Variants in NAA60 observed in about 807,000 individuals in gnomAD.
NAA60 encodes N-alpha-acetyltransferase 60, NatF catalytic subunit.
Under a neutral mutation model 26.1 loss-of-function variants are expected in NAA60, and 8 were observed. That is an observed-to-expected ratio of 0.31 (90% confidence interval 0.18 to 0.55). The LOEUF is 0.55. Among genes scored for constraint, NAA60 ranks in the 20% least tolerant of loss-of-function variants. The pLI, the probability that NAA60 is intolerant of heterozygous loss-of-function variation, is 0.93. For synonymous variants in NAA60, 131 were observed against 122.5 expected (o/e 1.07, Z -0.46); for missense variants, 290 against 311.3 (o/e 0.93, Z 0.51).
chr16:3,456,502 GAAT>G (rs906786649), intron 2 of NAA60, among the ~76,000 whole-genome samples: 1 of 151,864 alleles, frequency 6.6e-6, no homozygotes, highest in Non-Finnish European at 1.5e-5. Flanking sequence ...ATTTTTGAAA[GAAT>G]AATGCGCTTC....
intron 2 of NAA60, among the ~76,000 whole-genome samples, chr16:3,454,549 T>G (rs1293618202): frequency 1.3e-5 from 2 of 152,048 alleles, no homozygotes; most frequent in African/African-American, 4.8e-5. Flanking sequence ...AGAAGTTTAA[T>G]AGATAAACTG....
intron 1 of NAA60, among the ~76,000 whole-genome samples, chr16:3,446,900 C>A (rs1042206975): frequency 6.6e-6 from 1 of 151,740 alleles, no homozygotes; most frequent in African/African-American, 2.4e-5. Flanking sequence ...TATGAGCCAC[C>A]GCACCTGGCC....
At chr16:3,449,986 G>A (rs1596283537) in intron 2 of NAA60, 1 of 398,448 alleles carries the variant, frequency 2.5e-6, no homozygotes, top group Non-Finnish European at 4.4e-6. Context: ...GCAGTCTCAG[G>A]TATGTCTTTA....
chr16:3,479,706 G>A (rs1280032634), intron 4 of NAA60, 106 bp downstream of exon 4: 8 of 1,355,338 alleles, frequency 5.9e-6, no homozygotes, highest in Non-Finnish European at 8.0e-6. Context: ...CGTCCAAGGA[G>A]CCTGTGACCC....
chr16:3,485,271 CTT>C (rs1046073272), intron 7 of NAA60, 194 bp from the exon 8 acceptor site: 1 of 612,940 alleles, frequency 1.6e-6, no homozygotes, highest in African/African-American at 1.8e-5. Context: ...GTGCACCCGA[CTT>C]TGGATCCATC....
intron 1 of NAA60, among the ~76,000 whole-genome samples, chr16:3,448,032 C>G (rs144836597): frequency 1.3e-5 from 2 of 152,190 alleles, no homozygotes; most frequent in African/African-American, 4.8e-5. Context: ...ATTATCGTTA[C>G]TAGAAGCTGC....
At chr16:3,454,730 C>G (rs925672150) in intron 2 of NAA60, among the ~76,000 whole-genome samples, 6 of 152,140 alleles carry the variant, frequency 3.9e-5, no homozygotes, top group Non-Finnish European at 1.5e-5. Flanking sequence ...TCCCTGTGAC[C>G]GGCAGATGTC....
At chr16:3,471,278 G>A (rs1322885660) in intron 2 of NAA60, among the ~76,000 whole-genome samples, 2 of 152,094 alleles carry the variant, frequency 1.3e-5, no homozygotes, top group Non-Finnish European at 2.9e-5. Context: ...AAGGCAGGCG[G>A]ATCATGAGGT....
At position 3,483,490 on chromosome 16, in the gene NAA60, C is replaced by T. The variant is rs1442091808; in HGVS notation, c.465C>T (p.Phe155=). 6.2e-7 allele frequency: 1 copy of T among 1,614,008 alleles called. No individual in the cohort carries two copies. The highest frequency in any genetic ancestry group is 1.1e-5 in the South Asian group (1 of 91,088). The change falls in exon 6 of 8, where the codon TTC becomes TTT. Residue 155 remains phenylalanine, a synonymous_variant. Transcript: ENST00000407558. ...TAINFYENRD[F]KQHHYLPYYY... ...TAAACTTCTATGAAAACAGAGACTT[C>T]AAGCAGCACCACTATCTCCCCTATT...
intron 2 of NAA60, chr16:3,467,931 A>G (rs1024403375): frequency 6.6e-6 from 1 of 152,258 alleles, no homozygotes; most frequent in Non-Finnish European, 1.5e-5. Flanking sequence ...AAACGAAAGT[A>G]CACTCCATAG....
intron 3 of NAA60, among the ~76,000 whole-genome samples, chr16:3,477,861 C>G (rs897037847): frequency 2.6e-5 from 4 of 152,196 alleles, no homozygotes; most frequent in African/African-American, 9.6e-5. Flanking sequence ...GTCAGGAGTT[C>G]AAGACCAGCC....
At chr16:3,473,100 A>G (rs2036255117) in intron 2 of NAA60, among the ~76,000 whole-genome samples, 1 of 152,158 alleles carries the variant, frequency 6.6e-6, no homozygotes, top group Admixed American at 6.5e-5. Flanking sequence ...CAATGACACC[A>G]TCTCAGCTCA....
At chr16:3,444,322 G>T (rs8056000) in intron 1 of NAA60, among the ~76,000 whole-genome samples, 69,280 of 151,932 alleles carry the variant, frequency 0.46, 18,022 homozygotes, top group East Asian at 0.64. Flanking sequence ...ATCTTGGCCA[G>T]TTTACAACTT....
intron 2 of NAA60, among the ~76,000 whole-genome samples, chr16:3,461,043 C>T (rs2035357430): frequency 1.4e-5 from 1 of 73,574 alleles, no homozygotes; most frequent in East Asian, 8.8e-4. Context: ...GTTGGGGTTA[C>T]AGGAGTGAGT....
At chr16:3,450,476 G>A (rs60583829) in intron 2 of NAA60, among the ~76,000 whole-genome samples, 9 of 152,128 alleles carry the variant, frequency 5.9e-5, no homozygotes, top group South Asian at 2.1e-4. Context: ...TGAGGCAGGC[G>A]GATCACAAGG....
rs776200307 is a variant in NAA60 at position 3,484,781 on chromosome 16, A to G, written c.655A>G (p.Ser219Gly). 7 of 1,587,354 alleles carry G rather than the reference A, an allele frequency of 4.4e-6. No individual in the cohort carries two copies. In the Middle Eastern group the frequency reaches 5.0e-4, roughly 112 times the overall value. The stretch of plus-strand genomic sequence containing the variant: ...GCACAGAGTCTACCGCCAGGCCCAC[A>G]GCCTGCTCTGCAGCTTCCTGCCATG... ...IPHRVYRQAH[S>G]LLCSFLPWSG... The change falls in exon 7 of 8, where the codon AGC becomes GGC. Residue 219 changes from serine (S) to glycine (G), a missense_variant. Transcript: ENST00000407558.
chr16:3,475,570 C>G (rs1234380794), intron 2 of NAA60, among the ~76,000 whole-genome samples: 4 of 152,146 alleles, frequency 2.6e-5, no homozygotes, highest in Admixed American at 6.5e-5. Flanking sequence ...GGATTGGATG[C>G]ACTTTCCTGA....
intron 3 of NAA60, among the ~76,000 whole-genome samples, chr16:3,478,204 C>G (rs2036605267): frequency 6.6e-6 from 1 of 152,174 alleles, no homozygotes; most frequent in South Asian, 2.1e-4. Flanking sequence ...ACACTGAACT[C>G]CAGTCTGGGT....
chr16:3,476,217 C>A lies in NAA60; in HGVS notation c.-6-5C>A. The stretch of plus-strand genomic sequence containing the variant: ...GTGACGCGTCCCCCCCACCCTTCCC[C>A]ACAGGTGTGAATGACAGAGGTGGTG... On this transcript the variant is annotated splice_polypyrimidine_tract_variant and splice_region_variant and intron_variant, in intron 2 of 7. Transcript: ENST00000407558. The A allele has an allele frequency of 6.2e-7, 1 of 1,605,736 alleles. No homozygotes were observed. Among genetic ancestry groups the A allele is most frequent in the Non-Finnish European group, 8.5e-7 (1 of 1,174,954 alleles).
Sources: gnomAD v4.1 joint callset for allele counts (sites outside exome capture counted in the v4.1 genomes callset) on GRCh38, gnomAD v4.1.1 for gene constraint, MANE v1.5 for transcripts, NCBI Gene and HGNC (gene_info 2026-07-23, HGNC 2026-07-21) for gene names.